Variants in GRM7 observed in about 807,000 individuals in gnomAD.
GRM7 encodes glutamate metabotropic receptor 7.
A neutral mutation model predicts 84.5 loss-of-function variants in GRM7; 35 were observed. The observed-to-expected ratio is 0.41, with a 90% confidence interval of 0.32 to 0.55. The LOEUF (loss-of-function observed/expected upper bound fraction) is 0.55, where lower values mean the gene tolerates loss of function less well. Ranked by LOEUF, GRM7 falls within the 20% of genes least tolerant of loss-of-function variation. The pLI is 0.19. For synonymous variants in GRM7, 487 were observed against 455.1 expected, an observed-to-expected ratio of 1.07 and a Z score of -0.89; for missense variants, 1,003 against 1,194.6, an observed-to-expected ratio of 0.84 and a Z score of 2.36.
intron 1 of GRM7, among the ~76,000 whole-genome samples, chr3:7,070,034 G>C (rs1037634691): frequency 6.6e-6 from 1 of 152,080 alleles, no homozygotes; most frequent in Non-Finnish European, 1.5e-5. Flanking sequence ...AGATGGATGA[G>C]GTGGAGGAAG....
intron 8 of GRM7, among the ~76,000 whole-genome samples, chr3:7,608,538 C>T (rs1461487109): frequency 6.6e-6 from 1 of 152,068 alleles, no homozygotes; most frequent in African/African-American, 2.4e-5. Context: ...TGAGAAGTGT[C>T]TGTTCATGTC....
intron 1 of GRM7, among the ~76,000 whole-genome samples, chr3:6,964,390 T>C (rs568741579): frequency 2.1e-4 from 32 of 152,272 alleles, no homozygotes; most frequent in Non-Finnish European, 4.0e-4. Context: ...GTCCCTTTTA[T>C]GAGGGCACTA....
intron 1 of GRM7, among the ~76,000 whole-genome samples, chr3:7,072,126 C>A (rs778466736): frequency 6.6e-6 from 1 of 152,062 alleles, no homozygotes; most frequent in African/African-American, 2.4e-5. Context: ...ATGCCCAGTT[C>A]ATACTGAGGA....
At chr3:7,585,678 T>C (rs1276511892) in intron 8 of GRM7, among the ~76,000 whole-genome samples, 2 of 152,238 alleles carry the variant, frequency 1.3e-5, no homozygotes, top group South Asian at 2.1e-4. Context: ...CTTTTCCCCA[T>C]AGGTGTCTTG....
chr3:7,016,324 C>A (rs1285742993), intron 1 of GRM7, among the ~76,000 whole-genome samples: 5 of 152,168 alleles, frequency 3.3e-5, no homozygotes, highest in Admixed American at 2.6e-4. Context: ...AGGTGTTTTA[C>A]TTGGGTGAAG....
chr3:7,600,001 T>C (rs188081119), intron 8 of GRM7, among the ~76,000 whole-genome samples: 1 of 152,238 alleles, frequency 6.6e-6, no homozygotes, highest in African/African-American at 2.4e-5. Context: ...TTTAGCATCA[T>C]TCTGCAAAAT....
intron 2 of GRM7, among the ~76,000 whole-genome samples, chr3:7,236,742 T>G (rs1697362422): frequency 6.6e-6 from 1 of 152,192 alleles, no homozygotes; most frequent in Admixed American, 6.5e-5. Flanking sequence ...TGATATCTTT[T>G]CCAGAGCACT....
chr3:7,681,143 T>C (rs1700349851), intron 9 of GRM7: 1 of 152,226 alleles, frequency 6.6e-6, no homozygotes, highest in African/African-American at 2.4e-5. Context: ...ATACTAGTTT[T>C]AAGATTTGTT....
intron 8 of GRM7, among the ~76,000 whole-genome samples, chr3:7,594,260 G>A (rs1695931867): frequency 6.6e-6 from 1 of 152,122 alleles, no homozygotes; most frequent in Admixed American, 6.6e-5. Context: ...TCAGCACCTT[G>A]TTGTGTCCAG....
intron 1 of GRM7, among the ~76,000 whole-genome samples, chr3:6,864,211 G>A (rs1051719299): frequency 1.3e-5 from 2 of 152,180 alleles, no homozygotes; most frequent in African/African-American, 4.8e-5. Flanking sequence ...TTTCACCTGC[G>A]TTTATGGAGA....
At chr3:7,134,630 A>C (rs529321911) in intron 1 of GRM7, among the ~76,000 whole-genome samples, 1 of 152,234 alleles carries the variant, frequency 6.6e-6, no homozygotes, top group East Asian at 1.9e-4. Flanking sequence ...TGATTGGTCA[A>C]CTTGGACCAG....
chr3:7,253,751 C>T (rs966078553), intron 2 of GRM7, among the ~76,000 whole-genome samples: 1 of 151,992 alleles, frequency 6.6e-6, no homozygotes, highest in Non-Finnish European at 1.5e-5. Context: ...GCTCACAGTG[C>T]TAGGGTATGG....
At chr3:7,263,863 C>T (rs1213791140) in intron 2 of GRM7, among the ~76,000 whole-genome samples, 2 of 152,116 alleles carry the variant, frequency 1.3e-5, no homozygotes, top group Non-Finnish European at 2.9e-5. Flanking sequence ...GTGCGTGCTA[C>T]AGGCATGCTG....
intron 1 of GRM7, among the ~76,000 whole-genome samples, chr3:7,126,763 C>T (rs762613340): frequency 6.6e-6 from 1 of 152,186 alleles, no homozygotes; most frequent in Non-Finnish European, 1.5e-5. Context: ...TCTTTAGTCT[C>T]TTTTCCTTCT....
At chr3:7,373,649 G>A (rs550709704) in intron 4 of GRM7, among the ~76,000 whole-genome samples, 120 of 152,276 alleles carry the variant, frequency 7.9e-4, no homozygotes, top group Non-Finnish European at 1.4e-3. Context: ...TGAGGCATAA[G>A]GAGAAAGAAA....
At chr3:7,099,191 T>G (rs1207082375) in intron 1 of GRM7, among the ~76,000 whole-genome samples, 1 of 149,852 alleles carries the variant, frequency 6.7e-6, no homozygotes, top group African/African-American at 2.4e-5. Flanking sequence ...TGCATATATA[T>G]ATATACGTAT....
At chr3:7,128,863 A>G (rs577861307) in intron 1 of GRM7, among the ~76,000 whole-genome samples, 8 of 152,002 alleles carry the variant, frequency 5.3e-5, no homozygotes, top group Admixed American at 3.9e-4. Flanking sequence ...TTTCCAATCC[A>G]TGGAGAAACA....
chr3:7,264,216 C>T (rs1017359381), intron 2 of GRM7, among the ~76,000 whole-genome samples: 7 of 152,226 alleles, frequency 4.6e-5, no homozygotes, highest in East Asian at 3.9e-4. Flanking sequence ...TGGGCAAGAC[C>T]GCCCTGCAGA....
At chr3:7,242,787 TAA>T (rs946458628) in intron 2 of GRM7, among the ~76,000 whole-genome samples, 82 of 152,280 alleles carry the variant, frequency 5.4e-4, no homozygotes, top group African/African-American at 1.9e-3. Context: ...AGCTGTGTGT[TAA>T]GTGTCTCTCC....
Sources: allele counts gnomAD v4.1 joint callset (sites outside exome capture counted in the v4.1 genomes callset), GRCh38; gene constraint gnomAD v4.1.1; transcripts MANE v1.5; gene names NCBI Gene and HGNC (gene_info 2026-07-23, HGNC 2026-07-21).